The following THRB variants were observed in gnomAD, a reference collection of about 807,000 sequenced individuals.
The protein encoded by THRB is thyroid hormone receptor beta.
In THRB, 12 loss-of-function variants were observed where a neutral mutation model predicts 47.8. The ratio of observed to expected loss-of-function variants is 0.25; its 90% CI spans 0.16 to 0.41. THRB has a LOEUF of 0.41. THRB is among the 10% of genes least tolerant of loss of function. The pLI is 1.00. For synonymous variants in THRB, 218 were observed against 212.2 expected (o/e 1.03, Z -0.24); for missense variants, 348 against 589.2 (o/e 0.59, Z 4.24).
At chr3:24,163,199 G>A (rs1335516338) in intron 5 of THRB, among the ~76,000 whole-genome samples, 1 of 152,088 alleles carries the variant, frequency 6.6e-6, no homozygotes, top group East Asian at 1.9e-4. Flanking sequence ...AGTTTTACTG[G>A]GATTTACTCG....
At chr3:24,402,032 A>G (rs569853707) in intron 1 of THRB, among the ~76,000 whole-genome samples, 21 of 152,130 alleles carry the variant, frequency 1.4e-4, no homozygotes, top group Non-Finnish European at 2.5e-4. Flanking sequence ...AAGGAAAAGA[A>G]AGCAAAGTCT....
chr3:24,174,538 C>T (rs558616249), intron 5 of THRB, among the ~76,000 whole-genome samples: 3 of 152,306 alleles, frequency 2.0e-5, no homozygotes, highest in African/African-American at 4.8e-5. Context: ...ACCCCTCCCA[C>T]AACCCCAATC....
At chr3:24,451,504 G>A (rs963045568) in intron 1 of THRB, among the ~76,000 whole-genome samples, 1 of 152,074 alleles carries the variant, frequency 6.6e-6, no homozygotes. Flanking sequence ...CAAAGTTCTG[G>A]GATTACAGGC....
At chr3:24,250,317 T>C (rs2150354414) in intron 3 of THRB, among the ~76,000 whole-genome samples, 1 of 152,284 alleles carries the variant, frequency 6.6e-6, no homozygotes, top group Admixed American at 6.5e-5. Flanking sequence ...GTTGGTGCAA[T>C]GTTTCAGTCT....
chr3:24,149,472 G>C (rs2036589061), intron 6 of THRB, among the ~76,000 whole-genome samples: 1 of 152,188 alleles, frequency 6.6e-6, no homozygotes, highest in Non-Finnish European at 1.5e-5. Context: ...TGACACACCA[G>C]ACACTCCAAA....
At chr3:24,367,350 T>C (rs963499159) in intron 1 of THRB, among the ~76,000 whole-genome samples, 6 of 152,192 alleles carry the variant, frequency 3.9e-5, no homozygotes, top group African/African-American at 1.4e-4. Flanking sequence ...ATCAAACCTC[T>C]TTGGTTTAGA....
At chr3:24,188,153 C>A (rs1366804148) in intron 5 of THRB, among the ~76,000 whole-genome samples, 6 of 152,210 alleles carry the variant, frequency 3.9e-5, no homozygotes, top group African/African-American at 1.4e-4. Context: ...TACCCCACAT[C>A]TATCTGAAAT....
chr3:24,450,313 C>A (rs1328428128), intron 1 of THRB, among the ~76,000 whole-genome samples: 1 of 152,168 alleles, frequency 6.6e-6, no homozygotes, highest in East Asian at 1.9e-4. Flanking sequence ...GGTAAATGGA[C>A]AGCACGATTT....
rs193024607 is a variant in THRB at position 24,321,725 on chromosome 3, C to T, written c.-189+15575G>A. On this transcript the variant is annotated intron_variant, in intron 2 of 10. Coordinates refer to ENST00000646209, the MANE Select transcript of THRB (RefSeq NM_001354712.2). ...ATGTTAGGAATGATTGTCCTAGAATCTATGCTGTGATGTTCAACACTGTAG... is the reference window on the plus strand; with the variant it reads ...ATGTTAGGAATGATTGTCCTAGAATTTATGCTGTGATGTTCAACACTGTAG... Among the ~76,000 whole-genome samples the T allele has an allele frequency of 8.5e-5, 13 of 152,108 alleles. No homozygotes were observed. In the East Asian group the frequency reaches 2.1e-3, roughly 25 times the overall value.
Position 24,207,728 on chromosome 3 carries a change from C to T in THRB, c.23-17394G>A, listed in dbSNP as rs185119219. ...CTGCCAGCTATCTATGACAAACCCACAGCGAATATCATACTGAATGGGCAA... is the reference window on the plus strand; with the variant it reads ...CTGCCAGCTATCTATGACAAACCCATAGCGAATATCATACTGAATGGGCAA... On this transcript the variant is annotated intron_variant, in intron 4 of 10. Coordinates refer to ENST00000646209, the MANE Select transcript of THRB (RefSeq NM_001354712.2). Among the ~76,000 whole-genome samples, 546 of 152,338 alleles carry T rather than the reference C, an allele frequency of 3.6e-3. 2 individuals are homozygous for T. Among genetic ancestry groups the T allele is most frequent in the Non-Finnish European group, 4.4e-3 (302 of 68,036 alleles).
At chr3:24,287,572 G>A (rs1173405892) in intron 3 of THRB, among the ~76,000 whole-genome samples, 1 of 152,134 alleles carries the variant, frequency 6.6e-6, no homozygotes, top group South Asian at 2.1e-4. Flanking sequence ...TGCTCTTCCA[G>A]CTCTTCCTGG....
chr3:24,183,972 G>C (rs1053245406), intron 5 of THRB, among the ~76,000 whole-genome samples: 1 of 152,050 alleles, frequency 6.6e-6, no homozygotes, highest in Non-Finnish European at 1.5e-5. Flanking sequence ...GTTGCATATG[G>C]AGTTAATCCT....
At chr3:24,495,139 C>A (rs929532451), upstream of THRB, 6 of 152,134 alleles carry the variant, frequency 3.9e-5, no homozygotes, top group Admixed American at 2.0e-4. Context: ...TTACTCCGGG[C>A]CCGGGGCGCC....
At chr3:24,221,718 TC>T (rs1259577994) in intron 4 of THRB, among the ~76,000 whole-genome samples, 13 of 152,238 alleles carry the variant, frequency 8.5e-5, no homozygotes, top group Non-Finnish European at 1.5e-4. Context: ...CATTTCAACT[TC>T]CTGATTACCT....
chr3:24,202,828 T>C (rs2044752610), intron 4 of THRB, among the ~76,000 whole-genome samples: 8 of 152,162 alleles, frequency 5.3e-5, no homozygotes, highest in Admixed American at 3.3e-4. Context: ...AGATAGTAAA[T>C]AGGTAGCTAC....
At position 24,284,468 on chromosome 3, in the gene THRB, C is replaced by T. The variant is rs1056016858; in HGVS notation, c.-43+12758G>A. 4.0e-4 allele frequency among the ~76,000 whole-genome samples: 61 copies of T among 151,576 alleles called. 5 individuals carry two copies. Among genetic ancestry groups the T allele is most frequent in the Non-Finnish European group, 2.9e-5 (2 of 68,000 alleles). Reference sequence around the variant, plus strand: ...AAGATTTAAACGTTAGACCTAAAACCATAAAAACCCTAGAAGAAAACCTAG... The same window carrying T: ...AAGATTTAAACGTTAGACCTAAAACTATAAAAACCCTAGAAGAAAACCTAG... On this transcript the variant is annotated intron_variant, in intron 3 of 10. Transcript: ENST00000646209.
intron 2 of THRB, among the ~76,000 whole-genome samples, chr3:24,321,905 G>T (rs1335876240): frequency 6.6e-6 from 1 of 151,918 alleles, no homozygotes; most frequent in Non-Finnish European, 1.5e-5. Context: ...CTGGTTACTT[G>T]TTGGAATACT....
At chr3:24,178,323 A>G (rs62255856) in intron 5 of THRB, among the ~76,000 whole-genome samples, 16,925 of 152,162 alleles carry the variant, frequency 0.11, 1,028 homozygotes, top group African/African-American at 0.15. Context: ...AAAATGTATA[A>G]TCTGATTCTA....
At chr3:24,207,721 A>G (rs2045551888) in intron 4 of THRB, among the ~76,000 whole-genome samples, 1 of 152,228 alleles carries the variant, frequency 6.6e-6, no homozygotes, top group Admixed American at 6.5e-5. Context: ...TATCTATGAC[A>G]AACCCACAGC....
Sources: allele counts gnomAD v4.1 joint callset (sites outside exome capture counted in the v4.1 genomes callset), GRCh38; gene constraint gnomAD v4.1.1; transcripts MANE v1.5; gene names NCBI Gene and HGNC (gene_info 2026-07-23, HGNC 2026-07-21).